The following RAP1GAP2 variants were observed in gnomAD, a reference collection of about 807,000 sequenced individuals.
RAP1GAP2 encodes rap1 GTPase-activating protein 2.
RAP1GAP2 carries 27 observed loss-of-function variants against 95.0 expected under a neutral mutation model. That is an observed-to-expected ratio of 0.28 (90% CI 0.21 to 0.39). The LOEUF (loss-of-function observed/expected upper bound fraction) is 0.39. Ranked by LOEUF, RAP1GAP2 falls within the 10% of genes least tolerant of loss-of-function variation. The pLI, the probability that RAP1GAP2 is intolerant of heterozygous loss-of-function variation, is 1.00. For synonymous variants in RAP1GAP2, 373 were observed against 380.9 expected (o/e 0.98, Z 0.24); for missense variants, 771 against 970.0 (o/e 0.79, Z 2.72).
intron 2 of RAP1GAP2, among the ~76,000 whole-genome samples, chr17:2,824,050 G>C (rs1389725763): frequency 6.6e-6 from 1 of 151,100 alleles, no homozygotes; most frequent in Middle Eastern, 3.2e-3. Flanking sequence ...GTGAACCCGG[G>C]AGGCAGAGCT....
intron 1 of RAP1GAP2, among the ~76,000 whole-genome samples, chr17:2,787,418 C>G (rs763601299): frequency 5.9e-5 from 9 of 151,974 alleles, no homozygotes; most frequent in Non-Finnish European, 8.8e-5. Flanking sequence ...CCATGCCTGG[C>G]TAATTTAAAA....
At chr17:2,818,071 C>T (rs929918335) in intron 2 of RAP1GAP2, among the ~76,000 whole-genome samples, 24 of 151,268 alleles carry the variant, frequency 1.6e-4, no homozygotes, top group Admixed American at 8.6e-4. Flanking sequence ...CTCCTGACCT[C>T]GTGATCTGCC....
intron 10 of RAP1GAP2, among the ~76,000 whole-genome samples, chr17:2,983,660 C>G (rs1479265807): frequency 2.0e-5 from 3 of 152,178 alleles, no homozygotes; most frequent in Non-Finnish European, 4.4e-5. Context: ...ATAACACACA[C>G]CAAGGTTTTT....
chr17:2,954,442 C>G (rs933927597), intron 3 of RAP1GAP2, among the ~76,000 whole-genome samples: 3 of 152,106 alleles, frequency 2.0e-5, no homozygotes, highest in South Asian at 4.2e-4. Context: ...ATTTTCCATT[C>G]TCTTGTGTAG....
intron 3 of RAP1GAP2, among the ~76,000 whole-genome samples, chr17:2,932,006 T>C (rs2043171059): frequency 6.6e-6 from 1 of 152,192 alleles, no homozygotes; most frequent in Non-Finnish European, 1.5e-5. Context: ...AATGATATAT[T>C]CAGTTCTCAG....
At chr17:2,900,809 C>G (rs1392426443) in intron 2 of RAP1GAP2, among the ~76,000 whole-genome samples, 1 of 152,198 alleles carries the variant, frequency 6.6e-6, no homozygotes, top group Non-Finnish European at 1.5e-5. Flanking sequence ...AAACAAGACA[C>G]AACGAGGTAA....
intron 1 of RAP1GAP2, among the ~76,000 whole-genome samples, chr17:2,767,057 C>T (rs1200468258): frequency 6.6e-6 from 1 of 151,704 alleles, no homozygotes; most frequent in East Asian, 1.9e-4. Flanking sequence ...CCAGTCTTCT[C>T]CCTCGTTAAA....
At chr17:2,990,845 CTTTTTT>C (rs34075979) in intron 11 of RAP1GAP2, among the ~76,000 whole-genome samples, 1 of 128,756 alleles carries the variant, frequency 7.8e-6, no homozygotes, top group Admixed American at 7.8e-5. Flanking sequence ...GTTCTTTATT[CTTTTTT>C]TTTTTTTTTT....
At chr17:2,891,809 C>CTT (rs1488865061) in intron 2 of RAP1GAP2, among the ~76,000 whole-genome samples, 25 of 58,014 alleles carry the variant, frequency 4.3e-4, no homozygotes, top group Non-Finnish European at 8.1e-4. Flanking sequence ...ATTCATATTT[C>CTT]TTTTCTTTTT....
chr17:2,879,624 G>C (rs1377809875), intron 2 of RAP1GAP2, among the ~76,000 whole-genome samples: 1 of 151,812 alleles, frequency 6.6e-6, no homozygotes, highest in Non-Finnish European at 1.5e-5. Context: ...TACTCAGGAG[G>C]CTGAGACAGG....
intron 2 of RAP1GAP2, among the ~76,000 whole-genome samples, chr17:2,894,415 G>A (rs2073819473): frequency 6.6e-6 from 1 of 152,206 alleles, no homozygotes; most frequent in Non-Finnish European, 1.5e-5. Flanking sequence ...GGGTGACAGA[G>A]CGAGACTCCG....
chr17:2,936,307 C>T (rs761157759), intron 3 of RAP1GAP2, among the ~76,000 whole-genome samples: 1 of 130,840 alleles, frequency 7.6e-6, no homozygotes, highest in Non-Finnish European at 1.6e-5. Context: ...CGCTGGCCTT[C>T]ATGCCTCCTT....
intron 3 of RAP1GAP2, among the ~76,000 whole-genome samples, chr17:2,946,859 A>C (rs760304263): frequency 6.6e-6 from 1 of 152,124 alleles, no homozygotes; most frequent in Admixed American, 6.5e-5. Flanking sequence ...GGTTCAAGTG[A>C]ATCTCCTGCC....
At chr17:2,853,803 C>G (rs184115332) in intron 2 of RAP1GAP2, among the ~76,000 whole-genome samples, 3 of 146,942 alleles carry the variant, frequency 2.0e-5, no homozygotes, top group African/African-American at 7.4e-5. Flanking sequence ...CCCGAGGAGA[C>G]GCTGAAGGTC....
At chr17:3,011,127 C>T (rs1567892887) in intron 17 of RAP1GAP2, among the ~76,000 whole-genome samples, 2 of 152,096 alleles carry the variant, frequency 1.3e-5, no homozygotes, top group Middle Eastern at 3.4e-3. Context: ...GAGGTTTCAC[C>T]ATGTTGGCCA....
chr17:2,953,902 C>T (rs1048809540), intron 3 of RAP1GAP2, among the ~76,000 whole-genome samples: 12 of 152,140 alleles, frequency 7.9e-5, no homozygotes, highest in African/African-American at 4.8e-5. Context: ...GTGGTATTCA[C>T]GGAGCTGTGT....
chr17:2,933,368 G>A (rs898141135), intron 3 of RAP1GAP2, among the ~76,000 whole-genome samples: 7 of 152,206 alleles, frequency 4.6e-5, no homozygotes, highest in African/African-American at 1.7e-4. Context: ...GGGGCCAGCC[G>A]TGCCTCTGAC....
At chr17:2,762,439 C>G (rs1472022276) in intron 1 of RAP1GAP2, among the ~76,000 whole-genome samples, 4 of 148,692 alleles carry the variant, frequency 2.7e-5, no homozygotes, top group South Asian at 2.1e-4. Context: ...ACTCTGTCGC[C>G]GAGGCTGGAG....
At chr17:2,879,649 C>G (rs2073217313) in intron 2 of RAP1GAP2, among the ~76,000 whole-genome samples, 1 of 151,650 alleles carries the variant, frequency 6.6e-6, no homozygotes, top group Admixed American at 6.6e-5. Context: ...TTGTTTGAAC[C>G]CGGGAGGCAG....
Sources: gnomAD v4.1 joint callset for allele counts (sites outside exome capture counted in the v4.1 genomes callset) on GRCh38, gnomAD v4.1.1 for gene constraint, MANE v1.5 for transcripts, NCBI Gene and HGNC (gene_info 2026-07-23, HGNC 2026-07-21) for gene names.